TNR: variants seen among roughly 807,000 people sequenced by gnomAD.
The protein encoded by TNR is tenascin-R.
In TNR, 45 loss-of-function variants were observed where a neutral mutation model predicts 150.4. That is an observed-to-expected ratio of 0.30 (90% confidence interval 0.24 to 0.38). TNR has a LOEUF of 0.38. Among genes scored for constraint, TNR ranks in the 10% least tolerant of loss-of-function variants. The pLI is 1.00. For synonymous variants in TNR, 687 were observed against 678.4 expected (o/e 1.01, Z -0.20); for missense variants, 1,544 against 1,759.1 (o/e 0.88, Z 2.19).
chr1:175,387,541 A>C (rs948686909), intron 7 of TNR, among the ~76,000 whole-genome samples: 3 of 152,198 alleles, frequency 2.0e-5, no homozygotes, highest in African/African-American at 7.2e-5. Context: ...TTCTAGAAAG[A>C]TATATGGAAT....
intron 1 of TNR, among the ~76,000 whole-genome samples, chr1:175,674,086 G>T (rs943931462): frequency 6.6e-6 from 1 of 152,202 alleles, no homozygotes; most frequent in African/African-American, 2.4e-5. Context: ...ATATGGTGGT[G>T]CAGGGAACTG....
intron 4 of TNR, among the ~76,000 whole-genome samples, chr1:175,399,100 G>C (rs1211461242): frequency 6.6e-6 from 1 of 152,190 alleles, no homozygotes; most frequent in Non-Finnish European, 1.5e-5. Flanking sequence ...ACTATATTAG[G>C]AATAATTCAG....
At chr1:175,511,237 A>G (rs1021735640) in intron 2 of TNR, among the ~76,000 whole-genome samples, 1 of 152,238 alleles carries the variant, frequency 6.6e-6, no homozygotes, top group African/African-American at 2.4e-5. Context: ...CAGAGCATGC[A>G]TAGCAAATTA....
chr1:175,631,509 G>T (rs1664326495), intron 1 of TNR, among the ~76,000 whole-genome samples: 1 of 152,080 alleles, frequency 6.6e-6, no homozygotes, highest in Non-Finnish European at 1.5e-5. Context: ...CTCACCAGCT[G>T]TTATTAGTGT....
At chr1:175,385,913 A>G in intron 8 of TNR, 119 bp downstream of exon 8, 2 of 1,195,912 alleles carry the variant, frequency 1.7e-6, no homozygotes, top group Non-Finnish European at 1.2e-6. Context: ...GTCTATGACA[A>G]GGCCAATGCT....
At chr1:175,491,779 C>T (rs900713480) in intron 2 of TNR, among the ~76,000 whole-genome samples, 3 of 151,206 alleles carry the variant, frequency 2.0e-5, no homozygotes, top group Non-Finnish European at 4.4e-5. Flanking sequence ...CCTCCTGAGT[C>T]GCTGGGACTA....
intron 20 of TNR, among the ~76,000 whole-genome samples, chr1:175,335,072 C>A (rs571510404): frequency 6.6e-6 from 1 of 152,270 alleles, no homozygotes; most frequent in South Asian, 2.1e-4. Context: ...CTCCCTTTAT[C>A]CATCACTATG....
intron 2 of TNR, among the ~76,000 whole-genome samples, chr1:175,499,817 C>T (rs890388525): frequency 6.6e-6 from 1 of 152,188 alleles, no homozygotes; most frequent in Non-Finnish European, 1.5e-5. Flanking sequence ...GTACACGGGC[C>T]TATCTCTCTC....
intron 1 of TNR, among the ~76,000 whole-genome samples, chr1:175,662,285 G>C (rs1398682791): frequency 2.6e-5 from 4 of 152,152 alleles, no homozygotes; most frequent in South Asian, 4.1e-4. Context: ...CCTTCCTCCT[G>C]TAGGGTCTCC....
intron 2 of TNR, among the ~76,000 whole-genome samples, chr1:175,458,873 A>G (rs1467660531): frequency 3.3e-5 from 5 of 152,114 alleles, no homozygotes; most frequent in Non-Finnish European, 5.9e-5. Context: ...CATTATGATC[A>G]TCACCATGTC....
chr1:175,587,941 T>C (rs1176555427), intron 1 of TNR, among the ~76,000 whole-genome samples: 1 of 152,214 alleles, frequency 6.6e-6, no homozygotes, highest in Non-Finnish European at 1.5e-5. Flanking sequence ...GGATTAAGCC[T>C]AAGTCATAAA....
chr1:175,472,335 G>A (rs1657332218), intron 2 of TNR, among the ~76,000 whole-genome samples: 1 of 152,044 alleles, frequency 6.6e-6, no homozygotes, highest in South Asian at 2.1e-4. Flanking sequence ...GCCTGAGGCT[G>A]TTCTACATTA....
chr1:175,727,356 C>A (rs868681157), intron 1 of TNR, among the ~76,000 whole-genome samples: 7 of 152,056 alleles, frequency 4.6e-5, no homozygotes, highest in African/African-American at 1.4e-4. Flanking sequence ...GAAAAAGGAC[C>A]AGGAGATTTG....
chr1:175,734,116 T>A (rs1264993217), intron 1 of TNR, among the ~76,000 whole-genome samples: 1 of 152,272 alleles, frequency 6.6e-6, no homozygotes, highest in East Asian at 1.9e-4. Flanking sequence ...GCAGCCAGCC[T>A]CAGGCCAAAT....
rs150234053 is a variant in TNR, at chr1:175,472,864, C to G, written c.-64+55405G>C. On this transcript the variant is annotated intron_variant, in intron 2 of 22. Transcript: ENST00000367674. ...GAATCAGGCCTCACACCTGCCCTTC[C>G]AGACCAGCAGTGAGCCACTGTCTGT... 4.2e-3 allele frequency among the ~76,000 whole-genome samples: 632 copies of G among 152,274 alleles called. 5 individuals carry two copies. The highest frequency in any genetic ancestry group is 6.6e-3 in the Non-Finnish European group (451 of 68,014).
intron 1 of TNR, among the ~76,000 whole-genome samples, chr1:175,618,494 C>T (rs1663852545): frequency 6.6e-6 from 1 of 152,196 alleles, no homozygotes; most frequent in Non-Finnish European, 1.5e-5. Context: ...AGCCACTTAG[C>T]TGCTTTTGTT....
intron 1 of TNR, among the ~76,000 whole-genome samples, chr1:175,603,816 T>A (rs966587679): frequency 4.6e-5 from 7 of 152,230 alleles, no homozygotes; most frequent in Non-Finnish European, 7.3e-5. Context: ...GCCTCTTGTG[T>A]GCTGCACTCA....
intron 1 of TNR, among the ~76,000 whole-genome samples, chr1:175,672,372 G>A (rs892900792): frequency 4.6e-5 from 7 of 152,180 alleles, no homozygotes; most frequent in African/African-American, 1.4e-4. Context: ...TGGCCCATGA[G>A]CTGGGACAAC....
intron 1 of TNR, among the ~76,000 whole-genome samples, chr1:175,671,911 CTG>C (rs35804880): frequency 0.39 from 55,826 of 141,612 alleles, 11,446 homozygotes; most frequent in Admixed American, 0.5. Context: ...TGAGCTGTAC[CTG>C]TGTGTGTGTG....
Sources: allele counts gnomAD v4.1 joint callset (sites outside exome capture counted in the v4.1 genomes callset), GRCh38; gene constraint gnomAD v4.1.1; transcripts MANE v1.5; gene names NCBI Gene and HGNC (gene_info 2026-07-23, HGNC 2026-07-21).